The following RBM28 variants were observed in gnomAD, a reference collection of about 807,000 sequenced individuals.
The protein encoded by RBM28 is RNA binding motif protein 28.
In RBM28, 78 loss-of-function variants were observed where a neutral mutation model predicts 98.3. That is an observed-to-expected ratio of 0.79 (90% CI 0.66 to 0.96). RBM28 has a LOEUF of 0.96. RBM28 is among the 40% of genes least tolerant of loss of function. RBM28 has a pLI of 0.00. For synonymous variants in RBM28, 306 were observed against 330.9 expected, an observed-to-expected ratio of 0.92 and a Z score of 0.82; for missense variants, 838 against 913.0, an observed-to-expected ratio of 0.92 and a Z score of 1.06.
At position 128,299,437 on chromosome 7, in the gene RBM28, G is replaced by A. The variant is rs73721337; in HGVS notation, c.*11360C>T. On this transcript the variant is annotated 3_prime_UTR_variant, in exon 19 of 19. Transcript: ENST00000223073. Reference sequence around the variant, plus strand: ...GCTCTGGATTGACTGGTTTGCATACGAAAGGCACGCTCGACCAAGTTGTTT... The same window carrying A: ...GCTCTGGATTGACTGGTTTGCATACAAAAGGCACGCTCGACCAAGTTGTTT... The A allele has an allele frequency of 0.03, 4,577 of 152,238 alleles. 210 individuals carry two copies. The highest frequency in any genetic ancestry group is 0.1 in the African/African-American group (4,187 of 41,508). The allele number at this position is 152,238 out of a possible 1,614,324, so 9.4% of individuals were successfully genotyped here.
intron 14 of RBM28, among the ~76,000 whole-genome samples, chr7:128,319,388 T>C (rs906690030): frequency 4.0e-4 from 61 of 152,208 alleles, no homozygotes; most frequent in African/African-American, 1.4e-3. Context: ...GTGTTAAATA[T>C]GTAGGCACTA....
intron 10 of RBM28, among the ~76,000 whole-genome samples, chr7:128,328,399 A>G (rs1246787693): frequency 6.6e-6 from 1 of 152,212 alleles, no homozygotes; most frequent in African/African-American, 2.4e-5. Context: ...GTTAATACTT[A>G]GCTCTTCCAG....
chr7:128,338,705 C>G, intron 4 of RBM28, 21 bp downstream of exon 4: 1 of 1,521,200 alleles, frequency 6.6e-7, no homozygotes, highest in Non-Finnish European at 9.1e-7. Flanking sequence ...TAATCCACAC[C>G]AAGTGAAGGT....
chr7:128,309,769 G>A lies in RBM28; in HGVS notation c.*1028C>T, dbSNP rs2116314278. 6.6e-6 allele frequency: 1 copy of A among 152,076 alleles called. No individual in the cohort carries two copies. The highest frequency in any genetic ancestry group is 2.1e-4 in the South Asian group (1 of 4,798). The allele number at this position is 152,076 out of a possible 1,614,324, so 9.4% of individuals were successfully genotyped here. On this transcript the variant is annotated 3_prime_UTR_variant, in exon 19 of 19. Coordinates refer to ENST00000223073, the MANE Select transcript of RBM28 (RefSeq NM_018077.3). ...AGGAGGCGACAACTAGTGGAGATCT[G>A]AGTGACAAGTAAAAGATGCAAGGGA... is the stretch of plus-strand genomic sequence containing the variant.
At chr7:128,330,741 T>A (rs887152480) in intron 10 of RBM28, 78 bp downstream of exon 10, 1 of 1,032,286 alleles carries the variant, frequency 9.7e-7, no homozygotes, top group African/African-American at 1.6e-5. Context: ...ATGGCACACA[T>A]TATGCTCTCG....
At chr7:128,313,456 T>C (rs1796032612) in intron 17 of RBM28, among the ~76,000 whole-genome samples, 182 bp from the exon 18 acceptor site, 1 of 152,134 alleles carries the variant, frequency 6.6e-6, no homozygotes, top group African/African-American at 2.4e-5. Flanking sequence ...TGCCAGGAGT[T>C]TGAGACCAGC....
Position 128,308,011 on chromosome 7 carries a change from T to G in RBM28, c.*2786A>C, listed in dbSNP as rs1795899813. The G allele has an allele frequency of 6.6e-6, 1 of 152,192 alleles. No individual in the cohort carries two copies. The highest frequency in any genetic ancestry group is 2.4e-5 in the African/African-American group (1 of 41,454). 9.4% of individuals were successfully genotyped at this position (152,192 alleles called of 1,614,324 possible). A position where few individuals can be genotyped will look rare whatever the true frequency, so the allele number is the denominator to read the frequency against. Reference sequence around the variant, plus strand: ...TGTTAATTCAGAAAACTCCATTTCCTGACACATCAGGCCCTGAAGTGAAGG... The same window carrying G: ...TGTTAATTCAGAAAACTCCATTTCCGGACACATCAGGCCCTGAAGTGAAGG... On this transcript the variant is annotated 3_prime_UTR_variant, in exon 19 of 19. Transcript: ENST00000223073.
intron 18 of RBM28, among the ~76,000 whole-genome samples, chr7:128,312,448 G>A (rs949577605): frequency 2.6e-5 from 4 of 152,034 alleles, no homozygotes; most frequent in Non-Finnish European, 4.4e-5. Context: ...CTACCAGACC[G>A]AACTAACTAC....
intron 10 of RBM28, among the ~76,000 whole-genome samples, chr7:128,329,367 G>A (rs1796423307): frequency 6.6e-6 from 1 of 152,204 alleles, no homozygotes; most frequent in African/African-American, 2.4e-5. Context: ...CCAAAGTGCT[G>A]GGATTACAGG....
intron 1 of RBM28, among the ~76,000 whole-genome samples, chr7:128,341,538 C>A (rs1366815499): frequency 1.3e-5 from 2 of 152,200 alleles, no homozygotes; most frequent in Non-Finnish European, 2.9e-5. Flanking sequence ...ATTCCACATA[C>A]CCTCCCTCCC....
At position 128,335,832 on chromosome 7, in the gene RBM28, G is replaced by A; in HGVS notation, c.809+15C>T. On this transcript the variant is annotated intron_variant, in intron 7 of 18. Coordinates refer to ENST00000223073, the MANE Select transcript of RBM28 (RefSeq NM_018077.3). ...AATCTTCCTCTGCTGTCTCAGAACA[G>A]GATGAGCTGCTTACCTCTTCTGAAT... The A allele has an allele frequency of 1.2e-6, 2 of 1,614,100 alleles. No homozygotes were observed. Among genetic ancestry groups the A allele is most frequent in the Admixed American group, 3.3e-5 (2 of 60,030 alleles).
In RBM28 at chr7:128,310,526, A is replaced by T; in HGVS notation, c.*271T>A. 6.7e-6 allele frequency: 3 copies of T among 449,268 alleles called. No homozygotes were observed. The highest frequency in any genetic ancestry group is 1.2e-5 in the Non-Finnish European group (3 of 252,080). 27.8% of individuals were successfully genotyped at this position (449,268 alleles called of 1,614,324 possible). A position where few individuals can be genotyped will look rare whatever the true frequency, so the allele number is the denominator to read the frequency against. Reference sequence around the variant, plus strand: ...TGAGAAATAAAGAATAAAAATTGGTAATAATTATAGACACAACTTCATACA... The same window carrying T: ...TGAGAAATAAAGAATAAAAATTGGTTATAATTATAGACACAACTTCATACA... On this transcript the variant is annotated 3_prime_UTR_variant, in exon 19 of 19. Transcript: ENST00000223073.
At position 128,318,094 on chromosome 7, in the gene RBM28, G is replaced by A. The variant is rs755466553; in HGVS notation, c.1576C>T (p.Arg526Ter). Residue 526 changes from arginine to a stop codon, truncating the protein, a stop_gained, in exon 15 of 19, where the codon CGA (arginine) becomes TGA (stop). Coordinates refer to ENST00000223073, the MANE Select transcript of RBM28 (RefSeq NM_018077.3). LOFTEE classifies it high-confidence loss of function. Reference sequence around the variant, plus strand: ...TTCCCATGAACTCCTTTGAGGTCTCGCATCACTCTACACTATGAGTAGAGC... The same window carrying A: ...TTCCCATGAACTCCTTTGAGGTCTCACATCACTCTACACTATGAGTAGAGC... The part of the protein sequence containing the change: ...GVRIKECRVM[R>*]DLKGVHGNMK... 2.5e-5 allele frequency: 40 copies of A among 1,612,316 alleles called. No individual in the cohort carries two copies. The highest frequency in any genetic ancestry group is 5.5e-5 in the South Asian group (5 of 91,030).
At chr7:128,320,932 G>A (rs1265995801) in intron 14 of RBM28, among the ~76,000 whole-genome samples, 2 of 152,190 alleles carry the variant, frequency 1.3e-5, no homozygotes, top group Non-Finnish European at 2.9e-5. Context: ...TTGGGAGGCC[G>A]AGGTGGGCAG....
chr7:128,337,286 T>G (rs957659398), intron 5 of RBM28, 84 bp from the exon 6 acceptor site: 1 of 1,359,376 alleles, frequency 7.4e-7, no homozygotes, highest in Non-Finnish European at 1.0e-6. Context: ...TCACAGACAA[T>G]AATGGAACCA....
Position 128,300,773 on chromosome 7 carries a change from C to T in RBM28, c.*10024G>A, listed in dbSNP as rs2116294184. 1 of 152,390 alleles carries T rather than the reference C, an allele frequency of 6.6e-6. No individual in the cohort carries two copies. The highest frequency in any genetic ancestry group is 2.1e-4 in the South Asian group (1 of 4,826). 9.4% of individuals were successfully genotyped at this position (152,390 alleles called of 1,614,324 possible). A position where few individuals can be genotyped will look rare whatever the true frequency, so the allele number is the denominator to read the frequency against. On this transcript the variant is annotated 3_prime_UTR_variant, in exon 19 of 19. Transcript: ENST00000223073. ...TTGATGTCAAAAGCCTCCCAAGGCC[C>T]AGTCTGGGCCAGATGCAGGGACTGT...
chr7:128,318,275 AG>A (rs1796148878), intron 14 of RBM28, among the ~76,000 whole-genome samples, 169 bp from the exon 15 acceptor site: 1 of 152,190 alleles, frequency 6.6e-6, no homozygotes, highest in Admixed American at 6.5e-5. Flanking sequence ...GCTTGAGGCC[AG>A]GAGTTTGAGA....
Position 128,338,809 on chromosome 7 carries a change from CA to C in RBM28, c.373-9del. ...CAAGTCATCTTCTGAACACTGAAGC[CA>C]AAAGTGAAGAAAGAAAAAGAGAAAC... On this transcript the variant is annotated splice_polypyrimidine_tract_variant and intron_variant, in intron 3 of 18. Coordinates refer to ENST00000223073, the MANE Select transcript of RBM28 (RefSeq NM_018077.3). The C allele has an allele frequency of 6.3e-7, 1 of 1,594,000 alleles. No homozygotes were observed. Among genetic ancestry groups the C allele is most frequent in the Admixed American group, 1.7e-5 (1 of 59,984 alleles).
chr7:128,339,684 T>C lies in RBM28; in HGVS notation c.226A>G (p.Thr76Ala). 1 of 1,614,084 alleles carries C rather than the reference T, an allele frequency of 6.2e-7. No homozygotes were observed. Among genetic ancestry groups the C allele is most frequent in the Non-Finnish European group, 8.5e-7 (1 of 1,179,982 alleles). The change falls in exon 2 of 19, where the codon ACT becomes GCT. Residue 76 changes from threonine to alanine, a missense_variant. Transcript: ENST00000223073. ...TTCCTCAGTTTTTTCTTGGCAACAG[T>C]CACGTTGATCTTGCAACCTTCAAAG... is the stretch of plus-strand genomic sequence containing the variant. ...TTFEGCKINV[T>A]VAKKKLRNKT... is the part of the protein sequence containing the mutation.
Sources: gnomAD v4.1 joint callset for allele counts (sites outside exome capture counted in the v4.1 genomes callset) on GRCh38, gnomAD v4.1.1 for gene constraint, MANE v1.5 for transcripts, NCBI Gene and HGNC (gene_info 2026-07-23, HGNC 2026-07-21) for gene names.